The following PRRX2 variants were observed in gnomAD, a reference collection of about 807,000 sequenced individuals.
PRRX2 encodes paired related homeobox 2.
In PRRX2, 11 loss-of-function variants were observed where a neutral mutation model predicts 18.0. That is an observed-to-expected ratio of 0.61 (90% CI 0.39 to 1.01). PRRX2 has a LOEUF of 1.01. Among genes scored for constraint, PRRX2 ranks in the 50% least tolerant of loss-of-function variants. PRRX2 has a pLI of 0.01. For synonymous variants in PRRX2, 177 were observed against 154.8 expected (o/e 1.14, Z -1.06); for missense variants, 387 against 351.0 (o/e 1.10, Z -0.82).
intron 1 of PRRX2, among the ~76,000 whole-genome samples, chr9:129,699,582 A>G (rs1024826603): frequency 6.6e-6 from 1 of 152,244 alleles, no homozygotes; most frequent in South Asian, 2.1e-4. Flanking sequence ...GGGCAAGCAG[A>G]GAATTGAGAT....
intron 1 of PRRX2, among the ~76,000 whole-genome samples, chr9:129,710,918 T>C (rs1319950209): frequency 6.6e-6 from 1 of 152,070 alleles, no homozygotes; most frequent in Non-Finnish European, 1.5e-5. Context: ...TCTTCACATG[T>C]TGTTGAGCTC....
At chr9:129,712,328 A>AGT (rs567198191) in intron 1 of PRRX2, among the ~76,000 whole-genome samples, 178 of 152,314 alleles carry the variant, frequency 1.2e-3, no homozygotes, top group African/African-American at 4.1e-3. Context: ...AAACAAATAG[A>AGT]GTGTGTCTCT....
chr9:129,709,612 A>C lies in PRRX2; in HGVS notation c.260-9619A>C, dbSNP rs1321880785. Among the ~76,000 whole-genome samples, 1 of 152,206 alleles carries C rather than the reference A, an allele frequency of 6.6e-6. No individual in the cohort carries two copies. Among genetic ancestry groups the C allele is most frequent in the Non-Finnish European group, 1.5e-5 (1 of 68,024 alleles). The stretch of plus-strand genomic sequence containing the variant: ...GGACCTGTCTGACTCCTCGGGCCCC[A>C]CTGCGGCTTCCATCATCACCTTCCT... On this transcript the variant is annotated intron_variant, in intron 1 of 3. Transcript: ENST00000372469. This position sits in a 1 kb window ranked among gnomAD's most constrained non-coding sequence, Gnocchi z 4.2.
In PRRX2 at chr9:129,715,750, T is replaced by TCTCTCTCTCTCTCCCACACA. The variant is rs762929485; in HGVS notation, c.260-3480_260-3479insTCTCTCTCTCTCCCACACAC. Among the ~76,000 whole-genome samples the TCTCTCTCTCTCTCCCACACA allele has an allele frequency of 7.2e-6, 1 of 138,862 alleles. No individual in the cohort carries two copies. The highest frequency in any genetic ancestry group is 2.7e-5 in the African/African-American group (1 of 36,808). The allele number at this position is 138,862 out of a possible 152,430, so 91.1% of individuals were successfully genotyped here. A position where few individuals can be genotyped will look rare whatever the true frequency, so the allele number is the denominator to read the frequency against. ...AAACCCAGCTTCAGGGACATCTTTC[T>TCTCTCTCTCTCTCCCACACA]CACACACACACACACACACACACAC... On this transcript the variant is annotated intron_variant, in intron 1 of 3. Coordinates refer to ENST00000372469, the MANE Select transcript of PRRX2 (RefSeq NM_016307.4). This position sits in a 1 kb window ranked among gnomAD's most constrained non-coding sequence, Gnocchi z 4.0.
At chr9:129,702,742 C>A (rs947800811) in intron 1 of PRRX2, among the ~76,000 whole-genome samples, 1 of 152,200 alleles carries the variant, frequency 6.6e-6, no homozygotes, top group African/African-American at 2.4e-5. Context: ...CAGCTGGACC[C>A]TTGAGATGGG....
chr9:129,678,821 G>A (rs1052720226), intron 1 of PRRX2, among the ~76,000 whole-genome samples: 7 of 152,090 alleles, frequency 4.6e-5, no homozygotes, highest in Non-Finnish European at 8.8e-5. Context: ...CATCTCTTAC[G>A]GTCACATGGG....
At chr9:129,682,439 C>T (rs990453539) in intron 1 of PRRX2, among the ~76,000 whole-genome samples, 3 of 152,124 alleles carry the variant, frequency 2.0e-5, no homozygotes, top group East Asian at 1.9e-4. Context: ...CCCCCAAGGA[C>T]GCTCATCTCC....
At chr9:129,681,697 C>A (rs573805503) in intron 1 of PRRX2, among the ~76,000 whole-genome samples, 3 of 152,278 alleles carry the variant, frequency 2.0e-5, no homozygotes, top group South Asian at 2.1e-4. Flanking sequence ...CCTCCACCCC[C>A]CAAAACCAGA....
chr9:129,682,478 C>T (rs910699634), intron 1 of PRRX2, among the ~76,000 whole-genome samples: 2 of 152,084 alleles, frequency 1.3e-5, no homozygotes, highest in African/African-American at 2.4e-5. Context: ...ACTGTCCCAA[C>T]CCACACTAGC....
At chr9:129,666,261 C>G in intron 1 of PRRX2, 135 bp downstream of exon 1, 1 of 719,252 alleles carries the variant, frequency 1.4e-6, no homozygotes, top group Non-Finnish European at 1.7e-6. Flanking sequence ...TCTGGGGGCG[C>G]GTGTAAGTGA....
intron 1 of PRRX2, among the ~76,000 whole-genome samples, chr9:129,713,719 C>T (rs1473656359): frequency 5.9e-5 from 9 of 151,906 alleles, no homozygotes; most frequent in Non-Finnish European, 8.8e-5. Context: ...CAACCTCCGC[C>T]TGCCGGGTTC....
chr9:129,672,941 A>G (rs921449701), intron 1 of PRRX2, among the ~76,000 whole-genome samples: 10 of 151,906 alleles, frequency 6.6e-5, no homozygotes, highest in African/African-American at 2.2e-4. Context: ...TCATTTTCCG[A>G]ACACCTATAA....
At position 129,665,990 on chromosome 9, in the gene PRRX2, C is replaced by G; in HGVS notation, c.123C>G (p.Ser41Arg). The change falls in exon 1 of 4, where the codon AGC becomes AGG. Residue 41 changes from serine to arginine, a missense_variant. Coordinates refer to ENST00000372469, the MANE Select transcript of PRRX2 (RefSeq NM_016307.4). This position sits in a 1 kb window ranked among gnomAD's most constrained non-coding sequence, Gnocchi z 5.3. Reference protein sequence around the residue: ...CAQARKNFSVSHLLDLEEVAA... With the variant: ...CAQARKNFSVRHLLDLEEVAA... The stretch of plus-strand genomic sequence containing the variant: ...AGGCGCGCAAGAACTTCTCGGTGAG[C>G]CACCTCCTGGACCTGGAAGAGGTGG... 1 of 1,138,956 alleles carries G rather than the reference C, an allele frequency of 8.8e-7. No homozygotes were observed. Among genetic ancestry groups the G allele is most frequent in the Non-Finnish European group, 1.1e-6 (1 of 922,544 alleles). The allele number at this position is 1,138,956 out of a possible 1,614,324, so 70.6% of individuals were successfully genotyped here.
chr9:129,718,367 C>T (rs1832741790), intron 1 of PRRX2, among the ~76,000 whole-genome samples: 1 of 152,178 alleles, frequency 6.6e-6, no homozygotes, highest in Admixed American at 6.5e-5. Flanking sequence ...GAGCATCCTC[C>T]CGTGCCCTGG....
intron 1 of PRRX2, among the ~76,000 whole-genome samples, chr9:129,679,993 C>T (rs1357392207): frequency 1.3e-5 from 2 of 152,142 alleles, no homozygotes; most frequent in Non-Finnish European, 2.9e-5. Flanking sequence ...AATTCCTCAC[C>T]TGCAAAATGA....
chr9:129,702,214 G>A (rs13298483), intron 1 of PRRX2, among the ~76,000 whole-genome samples: 31,160 of 151,768 alleles, frequency 0.21, 3,338 homozygotes, highest in Middle Eastern at 0.32. Context: ...TGGCTAACAC[G>A]GTGAAACCCT....
intron 1 of PRRX2, among the ~76,000 whole-genome samples, chr9:129,673,592 A>G (rs1027933932): frequency 6.6e-6 from 1 of 152,260 alleles, no homozygotes; most frequent in Non-Finnish European, 1.5e-5. Flanking sequence ...TGGGAACCAC[A>G]TGGTCTGGCT....
chr9:129,713,111 G>A (rs1832652153), intron 1 of PRRX2: 1 of 152,232 alleles, frequency 6.6e-6, no homozygotes, highest in African/African-American at 2.4e-5. Context: ...TCTGGTCCGC[G>A]GGGAGGTGCT....
chr9:129,666,211 G>T (rs1344933348), intron 1 of PRRX2, 85 bp downstream of exon 1: 1 of 949,900 alleles, frequency 1.1e-6, no homozygotes, highest in Non-Finnish European at 1.3e-6. Context: ...GCCGGCGCGG[G>T]GCGGGCGAAG....
Sources: gnomAD v4.1 joint callset for allele counts (sites outside exome capture counted in the v4.1 genomes callset) on GRCh38, gnomAD v4.1.1 for gene constraint, Gnocchi (gnomAD v3.1) non-coding constraint, MANE v1.5 for transcripts, NCBI Gene and HGNC (gene_info 2026-07-23, HGNC 2026-07-21) for gene names.